PCDH15: variants seen among roughly 807,000 people sequenced by gnomAD.
PCDH15 encodes the protein protocadherin related 15.
Under a neutral mutation model 178.5 loss-of-function variants are expected in PCDH15, and 129 were observed. The ratio of observed to expected loss-of-function variants is 0.72; its 90% CI spans 0.63 to 0.84. The LOEUF is 0.84. Among genes scored for constraint, PCDH15 ranks in the 40% least tolerant of loss-of-function variants. The probability of loss-of-function intolerance (pLI) is 0.00; values close to 1 mark genes in which losing one functional copy is unlikely to be tolerated. For missense variants in PCDH15, 2,230 were observed against 2,099.9 expected, an observed-to-expected ratio of 1.06 and a Z score of -1.21; for synonymous variants, 800 against 732.0, an observed-to-expected ratio of 1.09 and a Z score of -1.50.
At chr10:55,509,248 G>T (rs1840827621) in intron 2 of PCDH15, among the ~76,000 whole-genome samples, 1 of 151,758 alleles carries the variant, frequency 6.6e-6, no homozygotes, top group Non-Finnish European at 1.5e-5. Context: ...AATAGTAAAT[G>T]TATAAAATTC....
Position 54,020,328 on chromosome 10 carries a change from C to G in PCDH15, c.2615G>C (p.Gly872Ala). The G allele has an allele frequency of 6.2e-7, 1 of 1,613,822 alleles. No homozygotes were observed. The highest frequency in any genetic ancestry group is 2.2e-5 in the East Asian group (1 of 44,868). ...TAAACTCCTTAAAAGCGATAGTTCT[C>G]CTGTAAATGGATGTAGTGCAAAAAA... Reference protein sequence around the residue: ...KHFFALHPFTGELSLLRSLDY... With the variant: ...KHFFALHPFTAELSLLRSLDY... Residue 872 changes from glycine (G) to alanine (A), a missense_variant, in exon 20 of 38, where the codon GGA (glycine) becomes GCA (alanine). Physicochemically the swap from Gly to Ala is moderately conservative, Grantham distance 60. Coordinates refer to ENST00000644397, the MANE Select transcript of PCDH15 (RefSeq NM_001384140.1).
At chr10:53,943,462 C>G (rs946365462) in intron 23 of PCDH15, among the ~76,000 whole-genome samples, 1 of 151,120 alleles carries the variant, frequency 6.6e-6, no homozygotes, top group South Asian at 2.1e-4. Flanking sequence ...GGCAACAGAG[C>G]GAGTTTAAAT....
intron 2 of PCDH15, among the ~76,000 whole-genome samples, chr10:54,569,409 G>A (rs1164780014): frequency 6.6e-6 from 1 of 152,106 alleles, no homozygotes. Context: ...CAGCAGAGAA[G>A]TTCCCTAGAA....
At chr10:54,381,848 A>G (rs534304535) in intron 3 of PCDH15, among the ~76,000 whole-genome samples, 2 of 152,244 alleles carry the variant, frequency 1.3e-5, no homozygotes, top group African/African-American at 4.8e-5. Flanking sequence ...AAGTTAAGAG[A>G]GCTGGCCCTG....
At chr10:55,513,592 T>C (rs2132154702) in intron 2 of PCDH15, among the ~76,000 whole-genome samples, 1 of 152,298 alleles carries the variant, frequency 6.6e-6, no homozygotes, top group East Asian at 1.9e-4. Flanking sequence ...TTGGGGTTTA[T>C]ATGTTGTGAA....
intron 15 of PCDH15, among the ~76,000 whole-genome samples, chr10:54,120,408 A>T (rs781293404): frequency 6.6e-6 from 1 of 152,186 alleles, no homozygotes; most frequent in Non-Finnish European, 1.5e-5. Flanking sequence ...AAAATTTCAC[A>T]TATCAATATT....
chr10:55,063,620 C>A (rs374483293), intron 2 of PCDH15, among the ~76,000 whole-genome samples: 143 of 152,146 alleles, frequency 9.4e-4, no homozygotes, highest in African/African-American at 3.0e-3. Flanking sequence ...TTGAAGAGGG[C>A]ATATTTCTTG....
At chr10:55,597,668 T>G (rs10763220) in intron 2 of PCDH15, among the ~76,000 whole-genome samples, 99,633 of 151,960 alleles carry the variant, frequency 0.66, 32,750 homozygotes, top group South Asian at 0.7. Flanking sequence ...ACTACAAATG[T>G]CACCTTAGCC....
intron 3 of PCDH15, among the ~76,000 whole-genome samples, chr10:54,500,044 C>T (rs761969171): frequency 6.6e-6 from 1 of 152,110 alleles, no homozygotes; most frequent in Non-Finnish European, 1.5e-5. Context: ...GGAATCAGCC[C>T]AGATGCCCAA....
At chr10:53,809,051 T>C (rs2075767764) in intron 37 of PCDH15, 2 of 1,611,208 alleles carry the variant, frequency 1.2e-6, no homozygotes, top group South Asian at 2.2e-5. Flanking sequence ...TCCTCAACCA[T>C]GGGCCTTCTT....
At chr10:53,843,161 G>C (rs530705301) in intron 28 of PCDH15, among the ~76,000 whole-genome samples, 1 of 152,054 alleles carries the variant, frequency 6.6e-6, no homozygotes, top group Non-Finnish European at 1.5e-5. Flanking sequence ...TTCACTTTGA[G>C]CATTTTTTTG....
At chr10:53,887,839 A>G (rs1034157843) in intron 26 of PCDH15, among the ~76,000 whole-genome samples, 5 of 152,192 alleles carry the variant, frequency 3.3e-5, no homozygotes, top group Admixed American at 3.3e-4. Context: ...CAGTGAGCCA[A>G]GATCGCGCCA....
At chr10:55,356,573 C>T (rs1472019068) in intron 2 of PCDH15, among the ~76,000 whole-genome samples, 1 of 151,736 alleles carries the variant, frequency 6.6e-6, no homozygotes, top group Non-Finnish European at 1.5e-5. Context: ...AAAAGAAACA[C>T]AGAATTGATT....
At chr10:54,787,153 TTATC>T (rs1294084435) in intron 1 of PCDH15, among the ~76,000 whole-genome samples, 1 of 151,832 alleles carries the variant, frequency 6.6e-6, no homozygotes, top group Non-Finnish European at 1.5e-5. Context: ...GGTTCATTAA[TTATC>T]TATAAAAATG....
At chr10:54,887,116 C>G (rs1384119453) in intron 3 of PCDH15, among the ~76,000 whole-genome samples, 3 of 152,174 alleles carry the variant, frequency 2.0e-5, no homozygotes. Flanking sequence ...AAGCAGATAA[C>G]TAGAGTTAAG....
chr10:53,983,750 T>C (rs967404872), intron 21 of PCDH15, among the ~76,000 whole-genome samples: 2 of 152,200 alleles, frequency 1.3e-5, no homozygotes, highest in African/African-American at 4.8e-5. Flanking sequence ...TGGCACACCG[T>C]CAGACTTTCC....
chr10:54,232,336 G>A (rs2054161110), intron 9 of PCDH15, among the ~76,000 whole-genome samples: 1 of 152,116 alleles, frequency 6.6e-6, no homozygotes, highest in African/African-American at 2.4e-5. Context: ...AGTTTCCTGA[G>A]GCTTCTCCAG....
At chr10:55,440,719 G>GT (rs1355060813) in intron 2 of PCDH15, among the ~76,000 whole-genome samples, 2 of 152,258 alleles carry the variant, frequency 1.3e-5, no homozygotes, top group East Asian at 3.9e-4. Context: ...CTCCGGGCAT[G>GT]TATCAGTCCG....
Position 55,001,765 on chromosome 10 carries a change from C to A in PCDH15, c.-79-104265G>T, listed in dbSNP as rs1003402238. ...TGCCAGGCCAAGTAGGTGGAATGAG[C>A]CCAGTGAGCCCAAGCAAAACTCAGG... On this transcript the variant is annotated intron_variant, in intron 2 of 5. Coordinates refer to the PCDH15 transcript ENST00000458638. 5.3e-5 allele frequency among the ~76,000 whole-genome samples: 8 copies of A among 152,268 alleles called. No individual in the cohort carries two copies. In the South Asian group the frequency reaches 1.7e-3, roughly 32 times the overall value.
Sources: allele counts gnomAD v4.1 joint callset (sites outside exome capture counted in the v4.1 genomes callset), GRCh38; gene constraint gnomAD v4.1.1; transcripts MANE v1.5; gene names NCBI Gene and HGNC (gene_info 2026-07-23, HGNC 2026-07-21).